The following PRKAR1A variants were observed in gnomAD, a reference collection of about 807,000 sequenced individuals.
PRKAR1A encodes cAMP-dependent protein kinase type I-alpha regulatory subunit.
In PRKAR1A, 3 loss-of-function variants were observed where a neutral mutation model predicts 52.0. That is an observed-to-expected ratio of 0.06 (90% CI 0.03 to 0.15). The LOEUF (loss-of-function observed/expected upper bound fraction) is 0.15. Ranked by LOEUF, PRKAR1A falls within the 10% of genes least tolerant of loss-of-function variation. The pLI is 1.00. For synonymous variants in PRKAR1A, 188 were observed against 168.4 expected (o/e 1.12, Z -0.90); for missense variants, 240 against 477.4 (o/e 0.50, Z 4.63).
downstream of PRKAR1A, chr17:68,535,689 T>C (rs1410881605): frequency 2.2e-6 from 1 of 447,638 alleles, no homozygotes; most frequent in Non-Finnish European, 4.4e-6. Flanking sequence ...TTTTGTATTT[T>C]TTTGTAGAGA....
At chr17:68,468,253 T>G in the PRKAR1A span, among the ~76,000 whole-genome samples, 6 of 152,074 alleles carry the variant, frequency 3.9e-5, no homozygotes, top group Non-Finnish European at 7.4e-5. Flanking sequence ...AGGGCATGTC[T>G]AGGAGGTATT....
At chr17:68,522,647 T>A in intron 2 of PRKAR1A, 109 bp from the exon 3 acceptor site, 4 of 1,223,926 alleles carry the variant, frequency 3.3e-6, no homozygotes, top group Non-Finnish European at 4.7e-6. Context: ...CTTACATTGT[T>A]AATGGAAGAA....
At chr17:68,473,730 C>T in the PRKAR1A span, among the ~76,000 whole-genome samples, 1 of 152,114 alleles carries the variant, frequency 6.6e-6, no homozygotes, top group Non-Finnish European at 1.5e-5. Flanking sequence ...ACCATATTGG[C>T]CAGGCTGGTC....
chr17:68,450,115 A>G, the PRKAR1A span, among the ~76,000 whole-genome samples: 10 of 152,252 alleles, frequency 6.6e-5, no homozygotes, highest in Non-Finnish European at 1.3e-4. Flanking sequence ...AAAAGAGAAC[A>G]TATTGCCTAT....
the PRKAR1A span, among the ~76,000 whole-genome samples, chr17:68,475,792 T>TTGTA: frequency 6.6e-6 from 1 of 152,200 alleles, no homozygotes; most frequent in African/African-American, 2.4e-5. Context: ...AGACTTTTCG[T>TTGTA]TGTATCTCAG....
In PRKAR1A at chr17:68,540,040, A is replaced by C; in HGVS notation, c.973+10039A>C. On this transcript the variant is annotated intron_variant, in intron 11 of 11. Transcript: ENST00000585981. ...GGTGCTCCTGACCTGAGTTCTCTCC[A>C]GGGAACGGAGGCCTGTCATCACTTG... 4 of 1,279,796 alleles carry C rather than the reference A, an allele frequency of 3.1e-6. No homozygotes were observed. In the South Asian group the frequency reaches 4.9e-5, roughly 16 times the overall value. 79.3% of individuals were successfully genotyped at this position (1,279,796 alleles called of 1,614,324 possible). A position where few individuals can be genotyped will look rare whatever the true frequency, so the allele number is the denominator to read the frequency against.
At position 68,531,492 on chromosome 17, in the gene PRKAR1A, C is replaced by G; in HGVS notation, c.*1043C>G. The G allele has an allele frequency of 9.4e-7, 1 of 1,066,214 alleles. No individual in the cohort carries two copies. 66.0% of individuals were successfully genotyped at this position (1,066,214 alleles called of 1,614,324 possible). A position where few individuals can be genotyped will look rare whatever the true frequency, so the allele number is the denominator to read the frequency against. On this transcript the variant is annotated 3_prime_UTR_variant, in exon 11 of 11. Coordinates refer to ENST00000589228, the MANE Select transcript of PRKAR1A (RefSeq NM_002734.5). Reference sequence around the variant, plus strand: ...ATGCCAGGCGGACAAAGTTCAGTGTCGGGAATTTTCCCCGTGACATTCACT... The same window carrying G: ...ATGCCAGGCGGACAAAGTTCAGTGTGGGGAATTTTCCCCGTGACATTCACT...
chr17:68,517,167 T>TA (rs147501716), intron 2 of PRKAR1A, among the ~76,000 whole-genome samples: 1 of 152,338 alleles, frequency 6.6e-6, no homozygotes, highest in African/African-American at 2.4e-5. Context: ...TTTTAATAAT[T>TA]AAAGTCACAG....
the PRKAR1A span, among the ~76,000 whole-genome samples, chr17:68,447,694 A>T: frequency 6.6e-6 from 1 of 152,242 alleles, no homozygotes; most frequent in East Asian, 1.9e-4. Flanking sequence ...CTATATACTT[A>T]GAAAAAAGGG....
intron 11 of PRKAR1A, among the ~76,000 whole-genome samples, chr17:68,549,427 G>A (rs1365715737): frequency 1.3e-5 from 2 of 151,752 alleles, no homozygotes; most frequent in Non-Finnish European, 2.9e-5. Context: ...CTGGGAGGCC[G>A]AGGTTGCAGT....
At chr17:68,448,399 C>CGTTAGATCTTGGTTCCGAGAACT in the PRKAR1A span, 1 of 152,188 alleles carries the variant, frequency 6.6e-6, no homozygotes, top group Non-Finnish European at 1.5e-5. Context: ...TTGGTTCCGA[C>CGTTAGATCTTGGTTCCGAGAACT]GTTAGATCTT....
chr17:68,498,477 G>T, the PRKAR1A span, among the ~76,000 whole-genome samples: 1 of 152,198 alleles, frequency 6.6e-6, no homozygotes, highest in African/African-American at 2.4e-5. Context: ...ATAGGTTCTG[G>T]TTGTGGGAGG....
chr17:68,440,335 A>G, the PRKAR1A span, among the ~76,000 whole-genome samples: 1 of 152,274 alleles, frequency 6.6e-6, no homozygotes, highest in Admixed American at 6.5e-5. Flanking sequence ...AAGGCAAGCA[A>G]GAAGAGTTTT....
the PRKAR1A span, chr17:68,428,722 G>A: frequency 4.7e-6 from 4 of 851,760 alleles, no homozygotes; most frequent in Non-Finnish European, 7.5e-6. Flanking sequence ...GACTGCCAGT[G>A]AAGAACAAAT....
the PRKAR1A span, among the ~76,000 whole-genome samples, chr17:68,437,554 G>GA: frequency 8.2e-3 from 1,097 of 133,096 alleles, 12 homozygotes; most frequent in African/African-American, 0.023. Flanking sequence ...TCTGTCTTAA[G>GA]AAAAAAAAAA....
chr17:68,451,124 A>T, the PRKAR1A span, among the ~76,000 whole-genome samples: 3 of 152,204 alleles, frequency 2.0e-5, no homozygotes, highest in African/African-American at 7.2e-5. Context: ...CTTTCCAAAT[A>T]TCTAAAGTAA....
chr17:68,549,863 A>T (rs2086751920), intron 11 of PRKAR1A, among the ~76,000 whole-genome samples: 1 of 152,230 alleles, frequency 6.6e-6, no homozygotes, highest in Non-Finnish European at 1.5e-5. Flanking sequence ...TTTCAAAGGA[A>T]CACAATGTAT....
the PRKAR1A span, chr17:68,457,495 A>T: frequency 0.013 from 16,407 of 1,268,138 alleles, 187 homozygotes; most frequent in South Asian, 0.023. Context: ...CGCCGGCTCC[A>T]CGGGCCGGGT....
At chr17:68,440,192 G>C in the PRKAR1A span, among the ~76,000 whole-genome samples, 6 of 152,144 alleles carry the variant, frequency 3.9e-5, no homozygotes, top group Non-Finnish European at 2.9e-5. Flanking sequence ...ATTTAGACAA[G>C]GAATCCTGCC....
Sources: gnomAD v4.1 joint callset for allele counts (sites outside exome capture counted in the v4.1 genomes callset) on GRCh38, gnomAD v4.1.1 for gene constraint, MANE v1.5 for transcripts, NCBI Gene and HGNC (gene_info 2026-07-23, HGNC 2026-07-21) for gene names.